PARN: variants seen among roughly 807,000 people sequenced by gnomAD.
PARN encodes poly(A)-specific ribonuclease PARN.
PARN carries 71 observed loss-of-function variants against 102.8 expected under a neutral mutation model. The observed-to-expected ratio is 0.69, with a 90% CI of 0.57 to 0.84. PARN has a LOEUF of 0.84. Ranked by LOEUF, PARN falls within the 40% of genes least tolerant of loss-of-function variation. PARN has a pLI of 0.00. For missense variants in PARN, 782 were observed against 760.9 expected (o/e 1.03, Z -0.33); for synonymous variants, 261 against 252.9 (o/e 1.03, Z -0.30).
chr16:14,555,042 A>G lies in PARN; in HGVS notation c.1318+612T>C, dbSNP rs535271106. 5.3e-5 allele frequency among the ~76,000 whole-genome samples: 8 copies of G among 152,336 alleles called. No homozygotes were observed. The East Asian group carries it at 1.5e-3, about 29-fold the overall frequency. ...TCTTGTGAGAATGACAGACCAAAAT[A>G]TCAGTCTAATGTGGAGGGCAACACA... On this transcript the variant is annotated intron_variant, in intron 19 of 23. Transcript: ENST00000437198.
intron 22 of PARN, among the ~76,000 whole-genome samples, chr16:14,465,204 A>C (rs887234562): frequency 2.0e-5 from 3 of 152,018 alleles, no homozygotes; most frequent in Non-Finnish European, 4.4e-5. Context: ...AGTAGCTGGG[A>C]CTACAGGCAT....
At chr16:14,575,668 G>A (rs1969086475) in intron 18 of PARN, among the ~76,000 whole-genome samples, 1 of 152,182 alleles carries the variant, frequency 6.6e-6, no homozygotes, top group Admixed American at 6.5e-5. Flanking sequence ...TCAAATGAGA[G>A]TTTGGACTGT....
intron 22 of PARN, among the ~76,000 whole-genome samples, chr16:14,448,310 G>A (rs1050138331): frequency 3.3e-5 from 5 of 152,144 alleles, no homozygotes; most frequent in African/African-American, 9.7e-5. Flanking sequence ...CACGAAGTCT[G>A]GCTGATTTTT....
At chr16:14,579,843 G>A (rs563248330) in intron 18 of PARN, among the ~76,000 whole-genome samples, 6 of 151,998 alleles carry the variant, frequency 3.9e-5, no homozygotes, top group African/African-American at 7.3e-5. Flanking sequence ...AGGTGTGGTG[G>A]TACATGCCTG....
chr16:14,578,342 A>AAAAG (rs1969286983), intron 18 of PARN, among the ~76,000 whole-genome samples: 1 of 149,728 alleles, frequency 6.7e-6, no homozygotes, highest in African/African-American at 2.5e-5. Context: ...AAAAAAAAAA[A>AAAAG]AAAAAAAAAA....
At chr16:14,523,024 T>C (rs1965818268) in intron 21 of PARN, among the ~76,000 whole-genome samples, 1 of 151,554 alleles carries the variant, frequency 6.6e-6, no homozygotes, top group Non-Finnish European at 1.5e-5. Flanking sequence ...ACAAAGCAAC[T>C]CAGAAAGAAA....
chr16:14,499,328 G>C (rs1964470201), intron 21 of PARN, among the ~76,000 whole-genome samples: 1 of 152,206 alleles, frequency 6.6e-6, no homozygotes, highest in African/African-American at 2.4e-5. Flanking sequence ...TAGGGAGAGG[G>C]AGAGAGCGGG....
At chr16:14,438,768 A>G (rs1160657179) in intron 23 of PARN, among the ~76,000 whole-genome samples, 3 of 152,180 alleles carry the variant, frequency 2.0e-5, no homozygotes, top group Non-Finnish European at 4.4e-5. Context: ...TCTATAATCA[A>G]AAAGATGCTA....
chr16:14,574,151 A>G (rs1968974855), intron 18 of PARN, among the ~76,000 whole-genome samples: 1 of 152,198 alleles, frequency 6.6e-6, no homozygotes, highest in East Asian at 1.9e-4. Context: ...CAAGGCTGAG[A>G]TGGTCTCAGA....
intron 22 of PARN, among the ~76,000 whole-genome samples, chr16:14,451,903 T>TAAA (rs1961480569): frequency 8.3e-6 from 1 of 119,960 alleles, no homozygotes; most frequent in Non-Finnish European, 1.7e-5. Flanking sequence ...TACAAAAAAT[T>TAAA]AGCCAGGCAC....
At chr16:14,542,919 A>C (rs1966850391) in intron 21 of PARN, among the ~76,000 whole-genome samples, 2 of 152,222 alleles carry the variant, frequency 1.3e-5, no homozygotes, top group South Asian at 4.1e-4. Flanking sequence ...TTATTTGAAT[A>C]ATGTCTAAAA....
At chr16:14,589,163 G>A (rs1056869265) in intron 13 of PARN, among the ~76,000 whole-genome samples, 2 of 151,626 alleles carry the variant, frequency 1.3e-5, no homozygotes, top group African/African-American at 4.8e-5. Flanking sequence ...CTGGGCCACA[G>A]AGCAAGACTC....
At chr16:14,469,897 G>A (rs1962615722) in intron 22 of PARN, among the ~76,000 whole-genome samples, 1 of 152,008 alleles carries the variant, frequency 6.6e-6, no homozygotes, top group African/African-American at 2.4e-5. Flanking sequence ...TAACAGACAT[G>A]GAAAAAATAG....
At chr16:14,530,990 T>C (rs1966296073) in intron 21 of PARN, among the ~76,000 whole-genome samples, 1 of 151,888 alleles carries the variant, frequency 6.6e-6, no homozygotes, top group African/African-American at 2.4e-5. Context: ...CATCCATCCA[T>C]CCATCCATCC....
At chr16:14,571,608 A>G (rs1330567204) in intron 18 of PARN, among the ~76,000 whole-genome samples, 2 of 146,104 alleles carry the variant, frequency 1.4e-5, no homozygotes, top group African/African-American at 2.5e-5. Flanking sequence ...GCAAACCAAC[A>G]GCCCTCCTTC....
Position 14,604,197 on chromosome 16 carries a change from T to C in PARN, c.732A>G (p.Val244=), listed in dbSNP as rs1465389964. Residue 244 remains valine, a synonymous_variant, in exon 11 of 24, where the codon GTA becomes GTG. Coordinates refer to ENST00000437198, the MANE Select transcript of PARN (RefSeq NM_002582.4). ...CTCTTCTTTTGCGTTCTTCTTCATCTACTTTGCTGATAACTATATATCGCT... is the reference window on the plus strand; with the variant it reads ...CTCTTCTTTTGCGTTCTTCTTCATCCACTTTGCTGATAACTATATATCGCT... ...KKERYIVISK[V]DEEERKRREQ... 6.3e-7 allele frequency: 1 copy of C among 1,598,334 alleles called. No homozygotes were observed. The highest frequency in any genetic ancestry group is 8.5e-7 in the Non-Finnish European group (1 of 1,170,026).
intron 12 of PARN, among the ~76,000 whole-genome samples, chr16:14,598,104 A>C (rs1274727823): frequency 6.6e-6 from 1 of 152,128 alleles, no homozygotes; most frequent in African/African-American, 2.4e-5. Flanking sequence ...GGATTGCGCC[A>C]CTGCACTCCA....
At chr16:14,585,484 G>C (rs58966023) in intron 14 of PARN, among the ~76,000 whole-genome samples, 1 of 149,376 alleles carries the variant, frequency 6.7e-6, no homozygotes, top group Non-Finnish European at 1.5e-5. Flanking sequence ...CAGGTCCTAA[G>C]ACACAAACAC....
intron 21 of PARN, among the ~76,000 whole-genome samples, chr16:14,519,408 C>T (rs1054989335): frequency 1.3e-5 from 2 of 151,488 alleles, no homozygotes; most frequent in African/African-American, 4.9e-5. Context: ...AGCTCAGAAA[C>T]AATAACCAAC....
Sources: gnomAD v4.1 joint callset for allele counts (sites outside exome capture counted in the v4.1 genomes callset) on GRCh38, gnomAD v4.1.1 for gene constraint, MANE v1.5 for transcripts, NCBI Gene and HGNC (gene_info 2026-07-23, HGNC 2026-07-21) for gene names.